The following TTC39C variants were observed in gnomAD, a reference collection of about 807,000 sequenced individuals.
TTC39C encodes the protein tetratricopeptide repeat protein 39C.
In TTC39C, 33 loss-of-function variants were observed where a neutral mutation model predicts 76.3. The observed-to-expected ratio is 0.43, with a 90% CI of 0.33 to 0.58. The LOEUF is 0.58. Ranked by LOEUF, TTC39C falls within the 20% of genes least tolerant of loss-of-function variation. The pLI, the probability that TTC39C is intolerant of heterozygous loss-of-function variation, is 0.04. For missense variants in TTC39C, 595 were observed against 701.4 expected, an observed-to-expected ratio of 0.85 and a Z score of 1.71; for synonymous variants, 254 against 260.6, an observed-to-expected ratio of 0.97 and a Z score of 0.24.
At chr18:24,105,323 A>T (rs1289886682) in intron 6 of TTC39C, among the ~76,000 whole-genome samples, 1 of 152,268 alleles carries the variant, frequency 6.6e-6, no homozygotes, top group Non-Finnish European at 1.5e-5. Context: ...CAGTGTGAAT[A>T]AAAGATACAG....
intron 1 of TTC39C, among the ~76,000 whole-genome samples, chr18:24,050,128 G>T (rs1246585727): frequency 6.6e-6 from 1 of 152,212 alleles, no homozygotes; most frequent in Non-Finnish European, 1.5e-5. Context: ...AGTCGCCAAT[G>T]CCTGGTCAGG....
chr18:24,103,880 C>T (rs953958578), intron 6 of TTC39C, among the ~76,000 whole-genome samples: 1 of 152,004 alleles, frequency 6.6e-6, no homozygotes, highest in Non-Finnish European at 1.5e-5. Context: ...TGTACAAAAC[C>T]CATAAATAAC....
chr18:24,126,498 A>C (rs571322572), intron 10 of TTC39C, among the ~76,000 whole-genome samples: 5 of 150,272 alleles, frequency 3.3e-5, no homozygotes, highest in Non-Finnish European at 7.4e-5. Flanking sequence ...CAATGTTGCT[A>C]TTCTGGAGAT....
At chr18:24,009,211 A>T (rs1416934185) in intron 1 of TTC39C, among the ~76,000 whole-genome samples, 1 of 152,208 alleles carries the variant, frequency 6.6e-6, no homozygotes, top group African/African-American at 2.4e-5. Context: ...ATACCAGTTT[A>T]AAAAATTCTA....
At chr18:24,041,762 A>G (rs1417012452) in intron 1 of TTC39C, among the ~76,000 whole-genome samples, 2 of 152,240 alleles carry the variant, frequency 1.3e-5, no homozygotes, top group East Asian at 3.8e-4. Context: ...ATTATAAACA[A>G]ATATAGATGT....
intron 1 of TTC39C, among the ~76,000 whole-genome samples, chr18:24,030,893 G>T (rs2083660883): frequency 6.6e-6 from 1 of 151,960 alleles, no homozygotes; most frequent in Non-Finnish European, 1.5e-5. Context: ...CGATCTGCCT[G>T]CCTCGGCCTC....
At position 24,082,924 on chromosome 18, in the gene TTC39C, T is replaced by G; in HGVS notation, c.827T>G (p.Leu276Arg). 6.2e-7 allele frequency: 1 copy of G among 1,611,374 alleles called. No homozygotes were observed. Among genetic ancestry groups the G allele is most frequent in the Non-Finnish European group, 8.5e-7 (1 of 1,178,450 alleles). ...MKAPLATLAL[L>R]WYHTVVRPFF... is the part of the protein sequence containing the mutation. ...CCCTCTTCCTCTAGATTAGCTCTGC[T>G]CTGGTATCATACTGTAGTCCGCCCG... The change falls in exon 6 of 14, where the codon CTC (leucine) becomes CGC (arginine). Residue 276 changes from leucine to arginine, a missense_variant. Leu to Arg is a moderately radical substitution (Grantham distance 102, BLOSUM62 -2). Transcript: ENST00000317571.
Position 24,114,320 on chromosome 18 carries a change from GC to G in TTC39C, c.985-233del, listed in dbSNP as rs1555777499. On this transcript the variant is annotated intron_variant, in intron 6 of 13. Coordinates refer to ENST00000317571, the MANE Select transcript of TTC39C (RefSeq NM_001135993.2). ...GGAGAGAACGCTGGAGGAGAAGGCG[GC>G]GCGAGCTGAGCCCTTACCACCTGAG... is the stretch of plus-strand genomic sequence containing the variant. The G allele has an allele frequency of 9.6e-6, 4 of 417,108 alleles. 1 individual carries two copies. The highest frequency in any genetic ancestry group is 9.7e-5 in the East Asian group (2 of 20,722). The allele number at this position is 417,108 out of a possible 1,614,324, so 25.8% of individuals were successfully genotyped here.
At position 24,134,987 on chromosome 18, in the gene TTC39C, T is replaced by C. The variant is rs946099643; in HGVS notation, c.*2413T>C. 1 of 152,184 alleles carries C rather than the reference T, an allele frequency of 6.6e-6. No homozygotes were observed. Among genetic ancestry groups the C allele is most frequent in the Non-Finnish European group, 1.5e-5 (1 of 68,040 alleles). The allele number at this position is 152,184 out of a possible 1,614,324, so 9.4% of individuals were successfully genotyped here. A position where few individuals can be genotyped will look rare whatever the true frequency, so the allele number is the denominator to read the frequency against. ...TTACTAGTCAAAGTGTAGGTCTTTTTAAAATTTTTAATCTTTATTTTTATT... is the reference window on the plus strand; with the variant it reads ...TTACTAGTCAAAGTGTAGGTCTTTTCAAAATTTTTAATCTTTATTTTTATT... On this transcript the variant is annotated 3_prime_UTR_variant, in exon 14 of 14. Coordinates refer to ENST00000317571, the MANE Select transcript of TTC39C (RefSeq NM_001135993.2).
At chr18:24,042,668 G>A (rs6508121) in intron 1 of TTC39C, among the ~76,000 whole-genome samples, 110,469 of 152,020 alleles carry the variant, frequency 0.73, 41,248 homozygotes, top group Non-Finnish European at 0.82. Flanking sequence ...TTGTCTAGGG[G>A]TCAATGATAC....
chr18:24,088,888 G>A (rs1336477027), intron 6 of TTC39C, among the ~76,000 whole-genome samples: 1 of 152,246 alleles, frequency 6.6e-6, no homozygotes, highest in Non-Finnish European at 1.5e-5. Flanking sequence ...CCTGTGTTCT[G>A]TCTCTGGACC....
chr18:24,050,754 C>G (rs766595381), intron 1 of TTC39C, among the ~76,000 whole-genome samples: 1 of 151,578 alleles, frequency 6.6e-6, no homozygotes, highest in Non-Finnish European at 1.5e-5. Context: ...GCCTTGTAAT[C>G]CCAGCTATTC....
chr18:24,010,566 A>T (rs1568402674), upstream of TTC39C, among the ~76,000 whole-genome samples: 1 of 152,070 alleles, frequency 6.6e-6, no homozygotes, highest in South Asian at 2.1e-4. Flanking sequence ...AGTGATATTA[A>T]TTTCCCTACT....
chr18:24,062,011 A>G (rs551022747), intron 1 of TTC39C, among the ~76,000 whole-genome samples: 4 of 152,330 alleles, frequency 2.6e-5, no homozygotes, highest in African/African-American at 9.6e-5. Flanking sequence ...GTGCATTGTC[A>G]CGTGCCCGAT....
chr18:24,015,510 G>A (rs2083444419), intron 1 of TTC39C, among the ~76,000 whole-genome samples: 1 of 152,246 alleles, frequency 6.6e-6, no homozygotes, highest in Non-Finnish European at 1.5e-5. Flanking sequence ...GCATGGCTCT[G>A]CAACATTGTG....
Position 24,080,730 on chromosome 18 carries a change from T to C in TTC39C, c.606T>C (p.Ile202=). 1 of 1,614,138 alleles carries C rather than the reference T, an allele frequency of 6.2e-7. No individual in the cohort carries two copies. Among genetic ancestry groups the C allele is most frequent in the East Asian group, 2.2e-5 (1 of 44,886 alleles). The part of the protein sequence containing the change: ...LTSDAANDNH[I]VAEGVSEESL... ...CTGATGCTGCAAATGATAATCACAT[T>C]GTGGCTGAAGGGGTGTCTGAGGAGT... The change falls in exon 5 of 14, where the codon ATT becomes ATC. Residue 202 remains isoleucine, a synonymous_variant. Coordinates refer to ENST00000317571, the MANE Select transcript of TTC39C (RefSeq NM_001135993.2).
intron 1 of TTC39C, chr18:24,020,044 A>G: frequency 7.2e-7 from 1 of 1,387,928 alleles, no homozygotes; most frequent in Non-Finnish European, 9.3e-7. Flanking sequence ...CTGCTCACAG[A>G]CAAGAATGTG....
chr18:24,117,296 A>G lies in TTC39C; in HGVS notation c.1079-829A>G, dbSNP rs557920016. Among the ~76,000 whole-genome samples, 24 of 152,312 alleles carry G rather than the reference A, an allele frequency of 1.6e-4. No individual in the cohort carries two copies. In the South Asian group the frequency reaches 4.8e-3, roughly 30 times the overall value. Reference sequence around the variant, plus strand: ...GCTGCAGTTCCTTACTAGAATGCCCATTTAACTGTTTCGATCCAGGAAGGT... The same window carrying G: ...GCTGCAGTTCCTTACTAGAATGCCCGTTTAACTGTTTCGATCCAGGAAGGT... On this transcript the variant is annotated intron_variant, in intron 7 of 13. Transcript: ENST00000317571.
At chr18:24,020,259 G>T in intron 1 of TTC39C, 2 of 1,019,244 alleles carry the variant, frequency 2.0e-6, no homozygotes, top group African/African-American at 3.4e-5. Context: ...TGTCTGAAAA[G>T]GTCCTAATTA....
Sources: gnomAD v4.1 joint callset for allele counts (sites outside exome capture counted in the v4.1 genomes callset) on GRCh38, gnomAD v4.1.1 for gene constraint, MANE v1.5 for transcripts, NCBI Gene and HGNC (gene_info 2026-07-23, HGNC 2026-07-21) for gene names.